Variants in STRIP1 observed in about 807,000 individuals in gnomAD.
STRIP1 encodes striatin-interacting protein 1.
A neutral mutation model predicts 106.2 loss-of-function variants in STRIP1; 63 were observed. That is an observed-to-expected ratio of 0.59 (90% confidence interval 0.48 to 0.73). The LOEUF is 0.73. STRIP1 is among the 30% of genes least tolerant of loss of function. The pLI, the probability that STRIP1 is intolerant of heterozygous loss-of-function variation, is 0.00. For synonymous variants in STRIP1, 390 were observed against 413.0 expected, an observed-to-expected ratio of 0.94 and a Z score of 0.67; for missense variants, 857 against 1,074.8, an observed-to-expected ratio of 0.80 and a Z score of 2.83.
At position 110,037,917 on chromosome 1, in the gene STRIP1, G is replaced by A. The variant is rs1342256621; in HGVS notation, c.207G>A (p.Glu69=). 5.6e-6 allele frequency: 9 copies of A among 1,612,590 alleles called. No homozygotes were observed. The highest frequency in any genetic ancestry group is 7.6e-6 in the Non-Finnish European group (9 of 1,179,086). The part of the protein sequence containing the change: ...SEGYSESPDL[E]FEYADTDKWA... ...GCTATTCGGAGTCACCAGACCTGGA[G>A]TTTGAGTATGCTGACACAGACAAGT... The change falls in exon 2 of 21, where the codon GAG becomes GAA. Residue 69 remains glutamate (E), a synonymous_variant. Transcript: ENST00000369795.
chr1:110,039,068 T>C (rs1652631159), intron 3 of STRIP1, 104 bp from the exon 4 acceptor site: 3 of 1,341,432 alleles, frequency 2.2e-6, no homozygotes, highest in African/African-American at 2.9e-5. Context: ...GTGTAACTTA[T>C]CTTTCTGGTC....
At chr1:110,049,057 C>A in intron 15 of STRIP1, 55 bp from the exon 16 acceptor site, 1 of 1,608,436 alleles carries the variant, frequency 6.2e-7, no homozygotes, top group East Asian at 2.2e-5. Flanking sequence ...CTGTGGGCAC[C>A]TAGAAATGAG....
In STRIP1 at chr1:110,046,750, G is replaced by A. The variant is rs747424231; in HGVS notation, c.1487G>A (p.Gly496Glu). 4 of 1,612,094 alleles carry A rather than the reference G, an allele frequency of 2.5e-6. No individual in the cohort carries two copies. The South Asian group carries it at 4.4e-5, about 18-fold the overall frequency. The change falls in exon 13 of 21, where the codon GGG becomes GAG. Residue 496 changes from glycine to glutamate, a missense_variant and splice_region_variant. Transcript: ENST00000369795. ...EEEYLRSPLSGGEEEVEQVPA... is the reference protein window; with the variant it reads ...EEEYLRSPLSEGEEEVEQVPA... ...GAATACCTCCGCTCCCCTCTCTCAG[G>A]GGTAAGTTGGAGGTCCTCAGTCCGG...
intron 15 of STRIP1, chr1:110,048,343 C>T: frequency 5.4e-6 from 1 of 183,946 alleles, no homozygotes; most frequent in Non-Finnish European, 1.2e-5. Context: ...CTTCAGAGCT[C>T]TTCTGCCCTG....
At position 110,040,718 on chromosome 1, in the gene STRIP1, A is replaced by G; in HGVS notation, c.650+15A>G. On this transcript the variant is annotated intron_variant, in intron 6 of 20. Transcript: ENST00000369795. ...ACAGACCTCAGGTGAGGCGAGCAGC[A>G]AGCCTGGGCTCCTGAGCGTTAGTCA... is the stretch of plus-strand genomic sequence containing the variant. The G allele has an allele frequency of 6.2e-7, 1 of 1,604,782 alleles. No homozygotes were observed. Among genetic ancestry groups the G allele is most frequent in the Non-Finnish European group, 8.5e-7 (1 of 1,175,714 alleles).
chr1:110,050,433 C>T, intron 18 of STRIP1, 24 bp downstream of exon 18: 1 of 1,612,500 alleles, frequency 6.2e-7, no homozygotes, highest in South Asian at 1.1e-5. Flanking sequence ...CTCTCCTCAG[C>T]TGTCCTTTTG....
chr1:110,054,350 G>A lies in STRIP1; in HGVS notation c.*438G>A, dbSNP rs376332232. 25 of 167,520 alleles carry A rather than the reference G, an allele frequency of 1.5e-4. 1 individual carries two copies. In the East Asian group the frequency reaches 3.5e-3, roughly 23 times the overall value. The allele number at this position is 167,520 out of a possible 1,614,324, so 10.4% of individuals were successfully genotyped here. On this transcript the variant is annotated 3_prime_UTR_variant, in exon 21 of 21. Transcript: ENST00000369795. The stretch of plus-strand genomic sequence containing the variant: ...GGATTAGGGCCAGGGCCAGAAAGTC[G>A]GTATCTTGGTTGTGCTCTGGGGTGG...
In STRIP1 at chr1:110,052,582, C is replaced by G. The variant is rs528848585; in HGVS notation, c.2266+695C>G. ...CCCCCCAGGTTTAAGCGATTCTCCC[C>G]CCTCAGCCTCCCAAGTAGCTGGGAC... On this transcript the variant is annotated intron_variant, in intron 20 of 20. Transcript: ENST00000369795. Among the ~76,000 whole-genome samples, 122 of 152,148 alleles carry G rather than the reference C, an allele frequency of 8.0e-4. No individual in the cohort carries two copies. In the South Asian group the frequency reaches 0.019, roughly 24 times the overall value.
upstream of STRIP1, chr1:110,034,539 C>T: frequency 7.2e-7 from 1 of 1,384,644 alleles, no homozygotes; most frequent in South Asian, 1.6e-5. Flanking sequence ...GGCCGCCACA[C>T]TTAATATGGC....
At chr1:110,038,627 G>T in intron 2 of STRIP1, 56 bp from the exon 3 acceptor site, 7 of 1,447,952 alleles carry the variant, frequency 4.8e-6, no homozygotes, top group Non-Finnish European at 6.8e-6. Flanking sequence ...GCACTTGTGA[G>T]ACCTGGTGTG....
Position 110,050,157 on chromosome 1 carries a change from G to T in STRIP1, c.1890-186G>T. On this transcript the variant is annotated intron_variant, in intron 17 of 20. Transcript: ENST00000369795. ...CTCTGGCTACAGGGGTGCTTTACAA[G>T]TTCTCTTGTAACAGATATTTCCTCA... 3 of 596,620 alleles carry T rather than the reference G, an allele frequency of 5.0e-6. No homozygotes were observed. In the East Asian group the frequency reaches 8.7e-5, roughly 17 times the overall value. 37.0% of individuals were successfully genotyped at this position (596,620 alleles called of 1,614,324 possible).
chr1:110,045,717 C>G (rs1652990347), intron 12 of STRIP1, among the ~76,000 whole-genome samples: 1 of 152,142 alleles, frequency 6.6e-6, no homozygotes, highest in Non-Finnish European at 1.5e-5. Context: ...AGTTACCTAC[C>G]AGTCCCAGGC....
At chr1:110,040,201 A>G (rs1652690026) in intron 5 of STRIP1, among the ~76,000 whole-genome samples, 1 of 151,626 alleles carries the variant, frequency 6.6e-6, no homozygotes, top group Non-Finnish European at 1.5e-5. Flanking sequence ...TTTGTTTTTG[A>G]GAGAGAGTCT....
chr1:110,032,549 A>T (rs1259753976), upstream of STRIP1, among the ~76,000 whole-genome samples: 2 of 152,196 alleles, frequency 1.3e-5, no homozygotes, highest in African/African-American at 4.8e-5. Context: ...GAGTATCTCA[A>T]ACTTGATGTG....
chr1:110,042,567 T>A (rs539430578), intron 8 of STRIP1, among the ~76,000 whole-genome samples: 9 of 152,230 alleles, frequency 5.9e-5, no homozygotes, highest in Non-Finnish European at 1.2e-4. Flanking sequence ...CATAAAGCCT[T>A]GCTAAGGCTA....
At chr1:110,039,338 C>T (rs759303061) in intron 4 of STRIP1, 32 bp downstream of exon 4, 21 of 1,613,778 alleles carry the variant, frequency 1.3e-5, no homozygotes, top group East Asian at 2.2e-5. Flanking sequence ...GGTTCCCTGG[C>T]ACCTCTGCCC....
chr1:110,051,589 A>G, intron 19 of STRIP1, 94 bp from the exon 20 acceptor site: 1 of 1,264,778 alleles, frequency 7.9e-7, no homozygotes, highest in South Asian at 1.3e-5. Context: ...TCACCCTGAC[A>G]GTAACTTCCA....
chr1:110,033,835 T>C (rs1652300642), upstream of STRIP1, among the ~76,000 whole-genome samples: 1 of 152,270 alleles, frequency 6.6e-6, no homozygotes, highest in Admixed American at 6.5e-5. Flanking sequence ...TCAGCAATAA[T>C]CCTGTTAGGT....
At position 110,039,303 on chromosome 1, in the gene STRIP1, C is replaced by G. The variant is rs749684004; in HGVS notation, c.457C>G (p.Gln153Glu). Residue 153 changes from glutamine (Q) to glutamate (E), a missense_variant, in exon 4 of 21, where the codon CAA (glutamine) becomes GAA (glutamate). This residue lies in a region of STRIP1 where 750 missense variants were observed against 989.8 expected (regional missense o/e 0.76). Coordinates refer to ENST00000369795, the MANE Select transcript of STRIP1 (RefSeq NM_033088.4). ...GGCTCGAGCAATTCTCTATGTTGCT[C>G]AAGGTATTGAGTGGACCTCCCCAGG... ...KVARAILYVA[Q>E]GTFGECSSEA... 3 of 1,614,116 alleles carry G rather than the reference C, an allele frequency of 1.9e-6. No individual in the cohort carries two copies. Among genetic ancestry groups the G allele is most frequent in the Non-Finnish European group, 2.5e-6 (3 of 1,180,012 alleles).
Sources: allele counts gnomAD v4.1 joint callset (sites outside exome capture counted in the v4.1 genomes callset), GRCh38; gene constraint gnomAD v4.1.1; regional missense constraint gnomAD v4.1.1; transcripts MANE v1.5; gene names NCBI Gene and HGNC (gene_info 2026-07-23, HGNC 2026-07-21).